The following GBE1 variants were observed in gnomAD, a reference collection of about 807,000 sequenced individuals.
GBE1 encodes 1,4-alpha-glucan branching enzyme 1, also known as 1,4-alpha-glucan-branching enzyme.
In GBE1, 70 loss-of-function variants were observed where a neutral mutation model predicts 88.8. That is an observed-to-expected ratio of 0.79 (90% CI 0.65 to 0.96). GBE1 has a LOEUF of 0.96. Ranked by LOEUF, GBE1 falls within the 40% of genes least tolerant of loss-of-function variation. GBE1 has a pLI of 0.00. For synonymous variants in GBE1, 284 were observed against 300.1 expected (o/e 0.95, Z 0.56); for missense variants, 872 against 871.0 (o/e 1.00, Z -0.01).
intron 7 of GBE1, among the ~76,000 whole-genome samples, chr3:81,631,997 C>T (rs1429785885): frequency 6.6e-6 from 1 of 152,014 alleles, no homozygotes; most frequent in East Asian, 1.9e-4. Flanking sequence ...TGTGATGTTC[C>T]CCTCTCTATC....
intron 2 of GBE1, among the ~76,000 whole-genome samples, chr3:81,680,344 A>C (rs898178143): frequency 2.6e-4 from 39 of 152,128 alleles, no homozygotes; most frequent in Admixed American, 9.8e-4. Context: ...ATGCAAAAAC[A>C]AAATTAGCTG....
chr3:81,725,387 C>T (rs1460051069), intron 1 of GBE1, among the ~76,000 whole-genome samples: 1 of 152,080 alleles, frequency 6.6e-6, no homozygotes, highest in Non-Finnish European at 1.5e-5. Context: ...CTGTCTTCCA[C>T]CTCCATATCT....
chr3:81,560,170 T>C lies in GBE1; in HGVS notation c.1618+17755A>G, dbSNP rs1043408256. Among the ~76,000 whole-genome samples, 4 of 152,088 alleles carry C rather than the reference T, an allele frequency of 2.6e-5. No homozygotes were observed. The South Asian group carries it at 8.3e-4, about 31-fold the overall frequency. On this transcript the variant is annotated intron_variant, in intron 12 of 15. Transcript: ENST00000429644. ...CATCGTACCACAATTTTACAGTCTATAGGTGAGTATAAAATAAGCTGATCT... is the reference window on the plus strand; with the variant it reads ...CATCGTACCACAATTTTACAGTCTACAGGTGAGTATAAAATAAGCTGATCT...
At chr3:81,726,220 T>G (rs1706110113) in intron 1 of GBE1, among the ~76,000 whole-genome samples, 1 of 109,864 alleles carries the variant, frequency 9.1e-6, no homozygotes, top group African/African-American at 4.8e-5. Context: ...CCCTTCAGGA[T>G]GTTGCTCTTG....
intron 1 of GBE1, among the ~76,000 whole-genome samples, chr3:81,758,203 G>A (rs1042995219): frequency 3.3e-5 from 5 of 152,152 alleles, no homozygotes; most frequent in Non-Finnish European, 5.9e-5. Flanking sequence ...AATGCCCACC[G>A]TCTGTCTACC....
At chr3:81,636,901 T>TA (rs1405516495) in intron 7 of GBE1, among the ~76,000 whole-genome samples, 1 of 152,070 alleles carries the variant, frequency 6.6e-6, no homozygotes, top group Admixed American at 6.6e-5. Context: ...ACTTCAATTA[T>TA]AAAAAAATTC....
chr3:81,561,653 T>C (rs945357069), intron 12 of GBE1, among the ~76,000 whole-genome samples: 1 of 152,022 alleles, frequency 6.6e-6, no homozygotes, highest in African/African-American at 2.4e-5. Context: ...TAGTTTGAGG[T>C]GACAGCCCCT....
chr3:81,598,297 A>G (rs1408266015), intron 7 of GBE1, among the ~76,000 whole-genome samples: 1 of 152,026 alleles, frequency 6.6e-6, no homozygotes, highest in Admixed American at 6.6e-5. Context: ...CTGAATGGGT[A>G]TTAAACAGTA....
intron 8 of GBE1, among the ~76,000 whole-genome samples, chr3:81,593,482 T>C (rs150650777): frequency 0.01 from 1,516 of 151,460 alleles, 19 homozygotes; most frequent in African/African-American, 0.035. Context: ...GTCTGATAAA[T>C]ATTTTTAATT....
chr3:81,595,691 C>T (rs1703946819), intron 7 of GBE1, among the ~76,000 whole-genome samples: 1 of 151,890 alleles, frequency 6.6e-6, no homozygotes, highest in Non-Finnish European at 1.5e-5. Flanking sequence ...CCCAGTGTCA[C>T]AGCAGGTTTC....
intron 7 of GBE1, among the ~76,000 whole-genome samples, chr3:81,639,633 G>A (rs1704642743): frequency 6.6e-6 from 1 of 152,146 alleles, no homozygotes; most frequent in Non-Finnish European, 1.5e-5. Flanking sequence ...TGATTGACCA[G>A]TAGTTTTCAA....
chr3:81,728,709 T>C (rs1386617924), intron 1 of GBE1, among the ~76,000 whole-genome samples: 2 of 152,084 alleles, frequency 1.3e-5, no homozygotes, highest in African/African-American at 2.4e-5. Context: ...GAAAAATCCC[T>C]GACAAAAGAA....
chr3:81,544,754 A>C (rs1024745259), intron 12 of GBE1, among the ~76,000 whole-genome samples: 2 of 152,122 alleles, frequency 1.3e-5, no homozygotes, highest in African/African-American at 4.8e-5. Context: ...CTTCTCCTGT[A>C]ATTAATTTTT....
chr3:81,601,702 T>G (rs549210404), intron 7 of GBE1, among the ~76,000 whole-genome samples: 3 of 152,198 alleles, frequency 2.0e-5, no homozygotes, highest in Non-Finnish European at 4.4e-5. Flanking sequence ...TTTATGGCTG[T>G]AATATATCAA....
At chr3:81,608,932 G>A (rs1207162979) in intron 7 of GBE1, among the ~76,000 whole-genome samples, 1 of 152,112 alleles carries the variant, frequency 6.6e-6, no homozygotes, top group East Asian at 1.9e-4. Flanking sequence ...GCCTTCATAA[G>A]GAAACGTTGA....
chr3:81,545,032 T>C (rs1203208494), intron 12 of GBE1, among the ~76,000 whole-genome samples: 2 of 152,184 alleles, frequency 1.3e-5, no homozygotes, highest in Admixed American at 1.3e-4. Context: ...AAATAATGTA[T>C]AGTCCTAATG....
In GBE1 at chr3:81,737,331, T is replaced by A. The variant is rs868208817; in HGVS notation, c.143+24044A>T. ...TATATTTATATATATTTATATATAT[T>A]TTTATATATATTTATATAAATATAT... is the stretch of plus-strand genomic sequence containing the variant. On this transcript the variant is annotated intron_variant, in intron 1 of 15. Coordinates refer to ENST00000429644, the MANE Select transcript of GBE1 (RefSeq NM_000158.4). Among the ~76,000 whole-genome samples, 9 of 66,784 alleles carry A rather than the reference T, an allele frequency of 1.3e-4. No homozygotes were observed. In the South Asian group the frequency reaches 1.9e-3, roughly 14 times the overall value. 43.8% of individuals were successfully genotyped at this position (66,784 alleles called of 152,430 possible).
At chr3:81,524,287 A>G (rs1178135915) in intron 14 of GBE1, among the ~76,000 whole-genome samples, 2 of 151,832 alleles carry the variant, frequency 1.3e-5, no homozygotes, top group African/African-American at 4.8e-5. Context: ...TGTCATTTGT[A>G]TGTCTTCTTG....
chr3:81,664,010 T>C (rs1280139550), intron 3 of GBE1, among the ~76,000 whole-genome samples: 1 of 151,858 alleles, frequency 6.6e-6, no homozygotes, highest in East Asian at 1.9e-4. Context: ...AAAGGGGCTG[T>C]GCATAGAAAA....
Sources: gnomAD v4.1 joint callset for allele counts (sites outside exome capture counted in the v4.1 genomes callset) on GRCh38, gnomAD v4.1.1 for gene constraint, MANE v1.5 for transcripts, NCBI Gene and HGNC (gene_info 2026-07-23, HGNC 2026-07-21) for gene names.